Variants in DNAH3 observed in about 807,000 individuals in gnomAD.
DNAH3 encodes dynein axonemal heavy chain 3, also known as axonemal beta dynein heavy chain 3.
A neutral mutation model predicts 432.5 loss-of-function variants in DNAH3; 332 were observed. That is an observed-to-expected ratio of 0.77 (90% confidence interval 0.70 to 0.84). DNAH3 has a LOEUF of 0.84. Ranked by LOEUF, DNAH3 falls within the 40% of genes least tolerant of loss-of-function variation. The probability of loss-of-function intolerance (pLI) is 0.00; values close to 1 mark genes in which losing one functional copy is unlikely to be tolerated. For missense variants in DNAH3, 4,861 were observed against 5,114.0 expected (o/e 0.95, Z 1.51); for synonymous variants, 1,956 against 1,900.2 (o/e 1.03, Z -0.76).
At chr16:21,132,911 T>C (rs1380634519) in intron 7 of DNAH3, among the ~76,000 whole-genome samples, 1 of 146,906 alleles carries the variant, frequency 6.8e-6, no homozygotes, top group African/African-American at 2.5e-5. Context: ...TTTTTTAAAA[T>C]GAAAGAATGA....
intron 12 of DNAH3, among the ~76,000 whole-genome samples, chr16:21,116,784 A>G (rs940894129): frequency 6.6e-6 from 1 of 152,242 alleles, no homozygotes; most frequent in Non-Finnish European, 1.5e-5. Flanking sequence ...GCCTGAACAG[A>G]TATGAGGCTA....
intron 32 of DNAH3, among the ~76,000 whole-genome samples, chr16:21,041,275 G>T (rs916269528): frequency 1.2e-4 from 18 of 152,120 alleles, no homozygotes; most frequent in Admixed American, 4.6e-4. Context: ...GGAAGCTGAG[G>T]CAGGAGAATC....
rs1567846387 is a variant in DNAH3, at chr16:21,131,506, AAGGAAG to A, written c.1082+2747_1082+2752del. Reference sequence around the variant, plus strand: ...AAGAAAAGAAAGAGAGATGAGAGAGAAGGAAGGAAGGAAGGAAGGAAGGAAAGAAAG... The same window carrying A: ...AAGAAAAGAAAGAGAGATGAGAGAGAGAAGGAAGGAAGGAAGGAAAGAAAG... On this transcript the variant is annotated intron_variant, in intron 7 of 61. Coordinates refer to ENST00000261383, the Ensembl canonical transcript of DNAH3. Among the ~76,000 whole-genome samples, 518 of 130,774 alleles carry A rather than the reference AAGGAAG, an allele frequency of 4.0e-3. 2 individuals are homozygous for A. Among genetic ancestry groups the A allele is most frequent in the African/African-American group, 0.014 (484 of 33,738 alleles). 85.8% of individuals were successfully genotyped at this position (130,774 alleles called of 152,430 possible). A position where few individuals can be genotyped will look rare whatever the true frequency, so the allele number is the denominator to read the frequency against.
intron 1 of DNAH3, among the ~76,000 whole-genome samples, chr16:21,154,303 G>A (rs1350138154): frequency 1.5e-4 from 23 of 152,188 alleles, no homozygotes; most frequent in African/African-American, 5.5e-4. Flanking sequence ...TTCTTGGGTT[G>A]CTGAGGCAGG....
rs1366399938 is a variant in DNAH3, at chr16:20,956,809, C to T, written c.10827-1752G>A. On this transcript the variant is annotated intron_variant, in intron 54 of 61. Coordinates refer to ENST00000261383, the Ensembl canonical transcript of DNAH3. ...TGCAATCTCAGTTCACTGCAACTTC[C>T]ACCTCCTGGGTTCAAGGAATTCTTG... Among the ~76,000 whole-genome samples, 4 of 152,096 alleles carry T rather than the reference C, an allele frequency of 2.6e-5. No individual in the cohort carries two copies. In the East Asian group the frequency reaches 5.8e-4, roughly 22 times the overall value.
intron 41 of DNAH3, among the ~76,000 whole-genome samples, chr16:21,013,828 T>C (rs1475774314): frequency 1.3e-5 from 2 of 151,522 alleles, no homozygotes; most frequent in African/African-American, 4.9e-5. Context: ...TGCCAACAAA[T>C]TTGATAAATA....
At chr16:21,067,757 T>TGAGGGGGGGGTGGGG (rs1469229191) in intron 23 of DNAH3, among the ~76,000 whole-genome samples, 3 of 29,826 alleles carry the variant, frequency 1.0e-4, no homozygotes, top group Admixed American at 4.5e-4. Flanking sequence ...AAGCCAGTCT[T>TGAGGGGGGGGTGGGG]GGGGGGGGGG....
At chr16:21,148,857 G>A (rs539765540) in intron 1 of DNAH3, among the ~76,000 whole-genome samples, 130 of 152,216 alleles carry the variant, frequency 8.5e-4, no homozygotes, top group African/African-American at 2.6e-3. Context: ...GCAATAAATG[G>A]CTAAGAATCC....
At chr16:20,933,601 C>G in intron 61 of DNAH3, 94 bp from the exon 62 acceptor site, 1 of 1,009,866 alleles carries the variant, frequency 9.9e-7, no homozygotes, top group Admixed American at 2.7e-5. Flanking sequence ...CAAAGTGCAA[C>G]CTGGTTGCAA....
At chr16:21,088,200 A>C (rs572972208) in intron 18 of DNAH3, among the ~76,000 whole-genome samples, 1 of 152,262 alleles carries the variant, frequency 6.6e-6, no homozygotes, top group Admixed American at 6.5e-5. Flanking sequence ...TAAAAATTTA[A>C]ATTAAAAAAA....
chr16:21,125,014 AGAC>A (rs763855465), intron 9 of DNAH3, among the ~76,000 whole-genome samples, 158 bp downstream of exon 10: 3 of 152,164 alleles, frequency 2.0e-5, no homozygotes, highest in Non-Finnish European at 2.9e-5. Flanking sequence ...AGCTAAAAGA[AGAC>A]ATTTTTATAA....
exon 22 of DNAH3, chr16:21,070,734 G>C (rs2090750910): frequency 1.2e-6 from 2 of 1,611,744 alleles, no homozygotes; most frequent in Non-Finnish European, 1.7e-6. Context: ...CTATTGGTTT[G>C]ATGAATGGGG....
intron 28 of DNAH3, among the ~76,000 whole-genome samples, chr16:21,053,825 TTCCTCCTCC>T (rs369644795): frequency 6.6e-6 from 1 of 151,208 alleles, no homozygotes; most frequent in African/African-American, 2.4e-5. Context: ...ACCCCAGTTT[TTCCTCCTCC>T]TCCTCCTCCT....
rs1276554917 is a variant in DNAH3, at chr16:21,056,195, G to A, written c.3925-1661C>T. 2.6e-5 allele frequency among the ~76,000 whole-genome samples: 4 copies of A among 152,186 alleles called. 1 individual carries two copies. The East Asian group carries it at 7.7e-4, about 29-fold the overall frequency. ...TCTTCCTGCTGGAATACACCATGCTGTTCATCTTCAGGCTTTTGCATACTC... is the reference window on the plus strand; with the variant it reads ...TCTTCCTGCTGGAATACACCATGCTATTCATCTTCAGGCTTTTGCATACTC... On this transcript the variant is annotated intron_variant, in intron 27 of 61. Coordinates refer to ENST00000261383, the Ensembl canonical transcript of DNAH3.
intron 43 of DNAH3, among the ~76,000 whole-genome samples, chr16:20,997,901 G>T (rs1345345080): frequency 6.6e-6 from 1 of 151,200 alleles, no homozygotes; most frequent in Non-Finnish European, 1.5e-5. Flanking sequence ...CCCATACTCA[G>T]GAGGCTAAGA....
chr16:21,014,044 G>T (rs3103820), intron 41 of DNAH3, among the ~76,000 whole-genome samples: 135 of 152,032 alleles, frequency 8.9e-4, no homozygotes, highest in East Asian at 6.8e-3. Flanking sequence ...CAATCTCTTA[G>T]AGAAAATAGA....
chr16:21,151,606 C>T (rs2092853764), intron 1 of DNAH3, among the ~76,000 whole-genome samples: 1 of 152,072 alleles, frequency 6.6e-6, no homozygotes, highest in Admixed American at 6.6e-5. Flanking sequence ...AGTTTTTCCC[C>T]ATTTTAACAC....
chr16:21,154,397 T>A (rs541019400), intron 1 of DNAH3, among the ~76,000 whole-genome samples: 389 of 134,410 alleles, frequency 2.9e-3, no homozygotes, highest in African/African-American at 0.011. Context: ...ACAGCGAGAC[T>A]CTGTCTCAAA....
intron 1 of DNAH3, among the ~76,000 whole-genome samples, chr16:21,155,264 G>A (rs1369213521): frequency 2.6e-5 from 4 of 151,900 alleles, no homozygotes. Flanking sequence ...TCTCAATTGG[G>A]CTGCCAGACA....
Sources: allele counts gnomAD v4.1 joint callset (sites outside exome capture counted in the v4.1 genomes callset), GRCh38; gene constraint gnomAD v4.1.1; transcripts MANE v1.5; gene names NCBI Gene and HGNC (gene_info 2026-07-23, HGNC 2026-07-21).